The following COL19A1 variants were observed in gnomAD, a reference collection of about 807,000 sequenced individuals.
The protein encoded by COL19A1 is collagen type XIX alpha 1 chain.
A neutral mutation model predicts 190.2 loss-of-function variants in COL19A1; 159 were observed. The ratio of observed to expected loss-of-function variants is 0.84; its 90% CI spans 0.73 to 0.95. The LOEUF (loss-of-function observed/expected upper bound fraction) is 0.95. COL19A1 is among the 40% of genes least tolerant of loss of function. The probability of loss-of-function intolerance (pLI) is 0.00; values close to 1 mark genes in which losing one functional copy is unlikely to be tolerated. For synonymous variants in COL19A1, 509 were observed against 458.9 expected (o/e 1.11, Z -1.39); for missense variants, 1,418 against 1,431.9 (o/e 0.99, Z 0.16).
intron 12 of COL19A1, among the ~76,000 whole-genome samples, chr6:70,030,164 T>C (rs1778972481): frequency 1.3e-5 from 2 of 152,166 alleles, no homozygotes; most frequent in African/African-American, 2.4e-5. Flanking sequence ...CAGCTTGTAA[T>C]TGGCTACATC....
intron 28 of COL19A1, 47 bp downstream of exon 28, chr6:70,149,786 A>G (rs1786921998): frequency 1.2e-6 from 2 of 1,613,414 alleles, no homozygotes; most frequent in Admixed American, 3.3e-5. Context: ...CAGCTTGCTT[A>G]CTTGGGGGAA....
At chr6:69,919,164 C>T (rs1771522570) in intron 4 of COL19A1, among the ~76,000 whole-genome samples, 1 of 152,206 alleles carries the variant, frequency 6.6e-6, no homozygotes, top group South Asian at 2.1e-4. Context: ...TTTGTTCTCT[C>T]TCTGTGTCTT....
chr6:69,914,484 A>T (rs1336225195), intron 4 of COL19A1, among the ~76,000 whole-genome samples: 2 of 152,226 alleles, frequency 1.3e-5, no homozygotes, highest in Non-Finnish European at 2.9e-5. Context: ...GGCCTCACTG[A>T]TACTTGTAAA....
At chr6:70,055,203 G>A (rs1322612476) in intron 14 of COL19A1, among the ~76,000 whole-genome samples, 1 of 152,092 alleles carries the variant, frequency 6.6e-6, no homozygotes, top group Non-Finnish European at 1.5e-5. Context: ...ATTGGAAGTG[G>A]TCAAAAAGTT....
At chr6:69,889,471 G>C (rs1433756147) in intron 2 of COL19A1, among the ~76,000 whole-genome samples, 1 of 152,192 alleles carries the variant, frequency 6.6e-6, no homozygotes, top group Non-Finnish European at 1.5e-5. Context: ...GTCAAGTGGG[G>C]ACTTGGAGAA....
intron 14 of COL19A1, among the ~76,000 whole-genome samples, chr6:70,064,770 A>T (rs565849514): frequency 6.6e-6 from 1 of 152,222 alleles, no homozygotes; most frequent in Non-Finnish European, 1.5e-5. Context: ...AAGTCTCAGG[A>T]TACAAAATGT....
rs1776768575 is a variant in COL19A1, at chr6:69,994,034, G to A, written c.1027-29593G>A. Among the ~76,000 whole-genome samples, 2 of 151,462 alleles carry A rather than the reference G, an allele frequency of 1.3e-5. 1 individual carries two copies. On this transcript the variant is annotated intron_variant, in intron 11 of 50. Coordinates refer to ENST00000620364, the MANE Select transcript of COL19A1 (RefSeq NM_001858.6). ...TGCTCTTGTTTTTCAAGTTCCTCTA[G>A]GTGTGATGTTTGTTTGTTAATTTGA...
At chr6:70,121,478 G>C (rs1408717326) in intron 16 of COL19A1, among the ~76,000 whole-genome samples, 2 of 152,122 alleles carry the variant, frequency 1.3e-5, no homozygotes, top group African/African-American at 4.8e-5. Flanking sequence ...AATTTACTAA[G>C]TTAATAACAT....
chr6:70,127,105 G>A (rs1785246891), intron 17 of COL19A1, among the ~76,000 whole-genome samples: 2 of 152,162 alleles, frequency 1.3e-5, no homozygotes, highest in Non-Finnish European at 2.9e-5. Flanking sequence ...TTTCTGGCCA[G>A]ACAAAAAGGT....
At chr6:69,913,381 T>A (rs2149989632) in intron 4 of COL19A1, among the ~76,000 whole-genome samples, 1 of 152,254 alleles carries the variant, frequency 6.6e-6, no homozygotes, top group African/African-American at 2.4e-5. Context: ...TCCCCTCCAT[T>A]GAATTATTTC....
chr6:70,148,098 A>C (rs1373575140), intron 27 of COL19A1, among the ~76,000 whole-genome samples: 1 of 152,066 alleles, frequency 6.6e-6, no homozygotes, highest in Admixed American at 6.5e-5. Context: ...CCAGCCTGGA[A>C]GCTCTCTAAA....
intron 31 of COL19A1, among the ~76,000 whole-genome samples, chr6:70,153,225 T>G (rs184788255): frequency 1.4e-4 from 21 of 152,294 alleles, no homozygotes; most frequent in African/African-American, 4.3e-4. Flanking sequence ...CCTGATCTTG[T>G]TACCCTATAT....
chr6:70,110,224 C>T (rs1582934535), intron 16 of COL19A1, among the ~76,000 whole-genome samples: 1 of 152,112 alleles, frequency 6.6e-6, no homozygotes, highest in South Asian at 2.1e-4. Flanking sequence ...TGAAGCTCAT[C>T]ATGTATCAAT....
chr6:70,205,030 CA>C (rs1767774873), intron 49 of COL19A1, among the ~76,000 whole-genome samples: 1 of 152,100 alleles, frequency 6.6e-6, no homozygotes, highest in African/African-American at 2.4e-5. Flanking sequence ...CAATATAGAT[CA>C]ACTATGGTTA....
At chr6:69,895,263 G>A (rs974039281) in intron 2 of COL19A1, among the ~76,000 whole-genome samples, 1 of 152,182 alleles carries the variant, frequency 6.6e-6, no homozygotes, top group African/African-American at 2.4e-5. Flanking sequence ...CCCAAGGAGC[G>A]ACAGAGGGTG....
intron 9 of COL19A1, among the ~76,000 whole-genome samples, chr6:69,953,693 A>G (rs1774254040): frequency 6.6e-6 from 1 of 152,016 alleles, no homozygotes; most frequent in Non-Finnish European, 1.5e-5. Flanking sequence ...ATGGATGACA[A>G]GCTCACCACA....
At chr6:69,984,260 C>A (rs983458146) in intron 11 of COL19A1, among the ~76,000 whole-genome samples, 1 of 152,094 alleles carries the variant, frequency 6.6e-6, no homozygotes, top group African/African-American at 2.4e-5. Flanking sequence ...CCTAGAATGG[C>A]TGAATTAACA....
At chr6:70,070,380 T>G (rs1328150112) in intron 15 of COL19A1, among the ~76,000 whole-genome samples, 1 of 152,146 alleles carries the variant, frequency 6.6e-6, no homozygotes, top group Non-Finnish European at 1.5e-5. Flanking sequence ...TCCAGATAAT[T>G]TTATATTACT....
At position 70,117,511 on chromosome 6, in the gene COL19A1, A is replaced by G. The variant is rs538969639; in HGVS notation, c.1279-4369A>G. 6.6e-5 allele frequency among the ~76,000 whole-genome samples: 10 copies of G among 152,334 alleles called. No individual in the cohort carries two copies. In the South Asian group the frequency reaches 2.1e-3, roughly 32 times the overall value. Reference sequence around the variant, plus strand: ...AAACTATTTAAAAGCTGCTAGAACTATTGCTGAGAGTATATACTTCCCAAA... The same window carrying G: ...AAACTATTTAAAAGCTGCTAGAACTGTTGCTGAGAGTATATACTTCCCAAA... On this transcript the variant is annotated intron_variant, in intron 16 of 50. Coordinates refer to ENST00000620364, the MANE Select transcript of COL19A1 (RefSeq NM_001858.6).
Sources: gnomAD v4.1 joint callset for allele counts (sites outside exome capture counted in the v4.1 genomes callset) on GRCh38, gnomAD v4.1.1 for gene constraint, MANE v1.5 for transcripts, NCBI Gene and HGNC (gene_info 2026-07-23, HGNC 2026-07-21) for gene names.